KCNJ12: variants seen among roughly 807,000 people sequenced by gnomAD.
KCNJ12 encodes the protein potassium inwardly rectifying channel subfamily J member 12.
KCNJ12 carries 2 observed loss-of-function variants against 22.3 expected under a neutral mutation model. The ratio of observed to expected loss-of-function variants is 0.09; its 90% confidence interval spans 0.04 to 0.28. KCNJ12 has a LOEUF of 0.28. Ranked by LOEUF, KCNJ12 falls within the 10% of genes least tolerant of loss-of-function variation. The probability of loss-of-function intolerance (pLI) is 1.00; values close to 1 mark genes in which losing one functional copy is unlikely to be tolerated. For synonymous variants in KCNJ12, 117 were observed against 261.4 expected, an observed-to-expected ratio of 0.45 and a Z score of 5.33; for missense variants, 155 against 633.3, an observed-to-expected ratio of 0.24 and a Z score of 8.11.
At chr17:21,399,859 G>A (rs1905509982) in intron 1 of KCNJ12, among the ~76,000 whole-genome samples, 1 of 152,208 alleles carries the variant, frequency 6.6e-6, no homozygotes, top group African/African-American at 2.4e-5. Flanking sequence ...CCAGTTTCTT[G>A]CCTCTATCAA....
At chr17:21,399,089 C>T (rs530953813) in intron 1 of KCNJ12, among the ~76,000 whole-genome samples, 92 of 152,248 alleles carry the variant, frequency 6.0e-4, no homozygotes, top group African/African-American at 2.2e-3. Flanking sequence ...CCAAGCCCTG[C>T]AGATGCTGGC....
chr17:21,407,086 C>G (rs1283454229), intron 1 of KCNJ12, among the ~76,000 whole-genome samples: 1 of 152,292 alleles, frequency 6.6e-6, no homozygotes, highest in Non-Finnish European at 1.5e-5. Context: ...CATGTGCCCA[C>G]CTGCTCATCC....
intron 1 of KCNJ12, among the ~76,000 whole-genome samples, chr17:21,381,386 G>T (rs1291839445): frequency 6.6e-6 from 1 of 152,120 alleles, no homozygotes; most frequent in Non-Finnish European, 1.5e-5. Flanking sequence ...CACTCTGGGT[G>T]TCAGGGCCCT....
chr17:21,388,686 G>A (rs900864779), intron 1 of KCNJ12, among the ~76,000 whole-genome samples: 27 of 152,340 alleles, frequency 1.8e-4, no homozygotes, highest in African/African-American at 5.5e-4. Flanking sequence ...ACCCAGCGGC[G>A]GCTGGTGCCA....
intron 2 of KCNJ12, among the ~76,000 whole-genome samples, chr17:21,413,259 T>C (rs1906479065): frequency 7.5e-5 from 8 of 106,390 alleles, no homozygotes; most frequent in African/African-American, 2.2e-4. Flanking sequence ...ACAAGTCCAT[T>C]CTGGCTTCTG....
chr17:21,408,267 G>A (rs1165226365), intron 1 of KCNJ12, among the ~76,000 whole-genome samples: 6 of 152,278 alleles, frequency 3.9e-5, no homozygotes, highest in African/African-American at 1.2e-4. Flanking sequence ...GCATGCAATA[G>A]GCACTCAATA....
chr17:21,379,932 G>A (rs1048666606), intron 1 of KCNJ12, among the ~76,000 whole-genome samples: 2 of 152,170 alleles, frequency 1.3e-5, no homozygotes, highest in Non-Finnish European at 1.5e-5. Flanking sequence ...CCAGTGCAGA[G>A]GGTGGCATTA....
intron 1 of KCNJ12, among the ~76,000 whole-genome samples, chr17:21,382,534 A>G (rs1402289426): frequency 6.6e-6 from 1 of 152,180 alleles, no homozygotes; most frequent in Non-Finnish European, 1.5e-5. Flanking sequence ...AAAATGTTTA[A>G]AAATGTTTAT....
At chr17:21,385,324 T>C (rs989390882) in intron 1 of KCNJ12, among the ~76,000 whole-genome samples, 8 of 152,166 alleles carry the variant, frequency 5.3e-5, no homozygotes, top group Admixed American at 3.3e-4. Context: ...TCACTTTCCA[T>C]GTTTGTGAAA....
chr17:21,397,941 C>T (rs1011321297), intron 1 of KCNJ12, among the ~76,000 whole-genome samples: 3 of 152,288 alleles, frequency 2.0e-5, no homozygotes, highest in Non-Finnish European at 4.4e-5. Flanking sequence ...CCTCTTTGTG[C>T]TCAGTGGTTT....
At chr17:21,396,375 G>A (rs1905364076) in intron 1 of KCNJ12, among the ~76,000 whole-genome samples, 2 of 152,182 alleles carry the variant, frequency 1.3e-5, no homozygotes, top group East Asian at 1.9e-4. Context: ...CTTTGCAGAC[G>A]ACGTTGATGA....
intron 1 of KCNJ12, among the ~76,000 whole-genome samples, chr17:21,388,564 C>T (rs1156960412): frequency 3.3e-5 from 5 of 151,854 alleles, no homozygotes; most frequent in South Asian, 2.1e-4. Flanking sequence ...ACAAATGGCC[C>T]GGTGGTGAAT....
At chr17:21,383,817 C>G (rs1437993467) in intron 1 of KCNJ12, among the ~76,000 whole-genome samples, 1 of 152,156 alleles carries the variant, frequency 6.6e-6, no homozygotes, top group Admixed American at 6.5e-5. Flanking sequence ...GCACAAGACC[C>G]CTGCCCTGGG....
Position 21,418,938 on chromosome 17 carries a change from C to T in KCNJ12, c.*2294C>T, listed in dbSNP as rs1315160538. On this transcript the variant is annotated 3_prime_UTR_variant, in exon 3 of 3. Transcript: ENST00000583088. ...AGGACCCCAGGCCCACCTCCTGGCCCTCTTGGAGGTCTGTGCTCTTACCTC... is the reference window on the plus strand; with the variant it reads ...AGGACCCCAGGCCCACCTCCTGGCCTTCTTGGAGGTCTGTGCTCTTACCTC... The T allele has an allele frequency of 6.0e-6, 1 of 166,796 alleles. No homozygotes were observed. The highest frequency in any genetic ancestry group is 1.5e-5 in the Non-Finnish European group (1 of 68,234). 10.3% of individuals were successfully genotyped at this position (166,796 alleles called of 1,614,324 possible).
At chr17:21,389,902 T>C (rs549603812) in intron 1 of KCNJ12, among the ~76,000 whole-genome samples, 1 of 152,286 alleles carries the variant, frequency 6.6e-6, no homozygotes, top group Non-Finnish European at 1.5e-5. Context: ...AGTCCAGCTG[T>C]GGCCTTGCTG....
chr17:21,400,608 G>T (rs1403718914), intron 1 of KCNJ12, among the ~76,000 whole-genome samples: 1 of 152,308 alleles, frequency 6.6e-6, no homozygotes, highest in Non-Finnish European at 1.5e-5. Flanking sequence ...GGGTGGGCGA[G>T]GGGCCAGGCT....
chr17:21,389,522 C>T (rs1384413829), intron 1 of KCNJ12, among the ~76,000 whole-genome samples: 2 of 152,222 alleles, frequency 1.3e-5, no homozygotes, highest in African/African-American at 4.8e-5. Context: ...GGCAGCTTCG[C>T]TGCTTGGGGA....
At chr17:21,399,681 A>C (rs1442176170) in intron 1 of KCNJ12, among the ~76,000 whole-genome samples, 1 of 152,160 alleles carries the variant, frequency 6.6e-6, no homozygotes, top group African/African-American at 2.4e-5. Context: ...GAGGTGGTCC[A>C]AGCCAGACTT....
chr17:21,408,632 A>G lies in KCNJ12; in HGVS notation c.-65A>G, dbSNP rs1906125581. On this transcript the variant is annotated 5_prime_UTR_variant, in exon 2 of 3. Coordinates refer to ENST00000583088, the MANE Select transcript of KCNJ12 (RefSeq NM_021012.5). ...TCAGCACCATTACATAGAAGATAGA[A>G]CTCAAGAGGTAAGAGTGAAGTCATT... 6.6e-6 allele frequency: 1 copy of G among 152,668 alleles called. No homozygotes were observed. Among genetic ancestry groups the G allele is most frequent in the South Asian group, 2.1e-4 (1 of 4,838 alleles). The allele number at this position is 152,668 out of a possible 1,614,324, so 9.5% of individuals were successfully genotyped here. A position where few individuals can be genotyped will look rare whatever the true frequency, so the allele number is the denominator to read the frequency against.
Sources: allele counts gnomAD v4.1 joint callset (sites outside exome capture counted in the v4.1 genomes callset), GRCh38; gene constraint gnomAD v4.1.1; transcripts MANE v1.5; gene names NCBI Gene and HGNC (gene_info 2026-07-23, HGNC 2026-07-21).